The following MRC1 variants were observed in gnomAD, a reference collection of about 807,000 sequenced individuals.
The protein encoded by MRC1 is mannose receptor C-type 1.
MRC1 carries 62 observed loss-of-function variants against 102.9 expected under a neutral mutation model. The observed-to-expected ratio is 0.60, with a 90% CI of 0.49 to 0.74. MRC1 has a LOEUF of 0.74. Ranked by LOEUF, MRC1 falls within the 30% of genes least tolerant of loss-of-function variation. The pLI, the probability that MRC1 is intolerant of heterozygous loss-of-function variation, is 0.00. For synonymous variants in MRC1, 457 were observed against 298.4 expected, an observed-to-expected ratio of 1.53 and a Z score of -5.48; for missense variants, 1,237 against 862.8, an observed-to-expected ratio of 1.43 and a Z score of -5.43.
chr10:17,837,389 C>T (rs1838683748), intron 4 of MRC1, among the ~76,000 whole-genome samples: 1 of 152,106 alleles, frequency 6.6e-6, no homozygotes, highest in South Asian at 2.1e-4. Flanking sequence ...GAAAGATATT[C>T]CCTCCCCACT....
At chr10:17,851,260 ATAAAT>A (rs1386953802) in intron 7 of MRC1, among the ~76,000 whole-genome samples, 2 of 152,192 alleles carry the variant, frequency 1.3e-5, no homozygotes, top group Non-Finnish European at 2.9e-5. Context: ...GAATTAGTAA[ATAAAT>A]TAGAAAACCT....
At chr10:17,810,065 TAGAA>T (rs201259350) in intron 1 of MRC1, among the ~76,000 whole-genome samples, 24,567 of 152,066 alleles carry the variant, frequency 0.16, 2,538 homozygotes, top group Non-Finnish European at 0.23. Flanking sequence ...ACTTGATTGT[TAGAA>T]AGTTCATCCT....
intron 21 of MRC1, among the ~76,000 whole-genome samples, chr10:17,883,363 A>G (rs1833544856): frequency 6.6e-6 from 1 of 152,032 alleles, no homozygotes; most frequent in Non-Finnish European, 1.5e-5. Context: ...TTCTGATCTC[A>G]AGTGATCCTC....
chr10:17,860,502 T>G (rs1301953662), intron 9 of MRC1, among the ~76,000 whole-genome samples: 1 of 152,160 alleles, frequency 6.6e-6, no homozygotes, highest in East Asian at 1.9e-4. Flanking sequence ...GGTCTTGAAC[T>G]CCTGGGCTCA....
chr10:17,834,962 G>A lies in MRC1; in HGVS notation c.802+1123G>A, dbSNP rs1015741353. The stretch of plus-strand genomic sequence containing the variant: ...CTGTCTCTGCTCCTATGACTGCCAT[G>A]TTCAAAAAACCCCTTGTGGCTTCTC... On this transcript the variant is annotated intron_variant, in intron 4 of 29. Transcript: ENST00000569591. Among the ~76,000 whole-genome samples, 1,240 of 152,218 alleles carry A rather than the reference G, an allele frequency of 8.1e-3. 16 individuals carry two copies. The highest frequency in any genetic ancestry group is 0.029 in the African/African-American group (1,185 of 41,530).
chr10:17,880,622 C>T lies in MRC1; in HGVS notation c.2817C>T (p.Pro939=), dbSNP rs1048860144. 9.0e-6 allele frequency: 7 copies of T among 780,700 alleles called. No homozygotes were observed. The South Asian group carries it at 9.4e-5, about 10-fold the overall frequency. 48.4% of individuals were successfully genotyped at this position (780,700 alleles called of 1,614,324 possible). The change falls in exon 20 of 30, where the codon CCC becomes CCT. Residue 939 remains proline (P), a synonymous_variant. Transcript: ENST00000569591. ...INATTVMPTM[P]SVPSGCKEGW... is the part of the protein sequence containing the mutation. ...CTACCACAGTTATGCCTACCATGCC[C>T]TCGGTCCCATCAGGGTGCAAGGAAG...
rs959476127 is a variant in MRC1, at chr10:17,809,408, T to C, written c.-58T>C. ...GAGGCAGTTGGGGGGCCTCGTTGTT[T>C]TGCGTCTTAGTTCCGCCCTCCTGTC... On this transcript the variant is annotated 5_prime_UTR_variant, in exon 1 of 30. Coordinates refer to ENST00000569591, the MANE Select transcript of MRC1 (RefSeq NM_002438.4). 1.0e-4 allele frequency: 91 copies of C among 869,742 alleles called. No individual in the cohort carries two copies. In the Admixed American group the frequency reaches 1.5e-3, roughly 14 times the overall value. The allele number at this position is 869,742 out of a possible 1,614,324, so 53.9% of individuals were successfully genotyped here.
intron 3 of MRC1, among the ~76,000 whole-genome samples, chr10:17,828,863 A>C (rs1027242753): frequency 1.3e-5 from 2 of 151,486 alleles, no homozygotes; most frequent in Non-Finnish European, 2.9e-5. Context: ...CAAATAGTGA[A>C]GCACATTTTA....
chr10:17,848,860 A>G (rs1838868707), intron 6 of MRC1, among the ~76,000 whole-genome samples: 1 of 152,126 alleles, frequency 6.6e-6, no homozygotes, highest in Non-Finnish European at 1.5e-5. Context: ...TGGCTGACTC[A>G]TGTGGCTATG....
rs924892075 is a variant in MRC1 at position 17,834,061 on chromosome 10, C to T, written c.802+222C>T. Among the ~76,000 whole-genome samples the T allele has an allele frequency of 3.0e-4, 45 of 152,242 alleles. 1 individual carries two copies. Among genetic ancestry groups the T allele is most frequent in the Non-Finnish European group, 5.1e-4 (35 of 68,016 alleles). On this transcript the variant is annotated intron_variant, in intron 4 of 29. Transcript: ENST00000569591. ...TATTGGTTTTAAGAGTCTCTAGAGC[C>T]AGTGCTAAGAAGGATTCTGAGGGCT...
chr10:17,826,306 G>A (rs976141033), intron 2 of MRC1, among the ~76,000 whole-genome samples: 46 of 152,148 alleles, frequency 3.0e-4, no homozygotes, highest in African/African-American at 1.1e-3. Flanking sequence ...GGGTTCAAGC[G>A]ATTCTCCTGC....
At chr10:17,832,085 G>A (rs1367190723) in intron 3 of MRC1, among the ~76,000 whole-genome samples, 3 of 151,584 alleles carry the variant, frequency 2.0e-5, no homozygotes, top group East Asian at 1.9e-4. Flanking sequence ...TCCAGTGAGC[G>A]ATAGGACCTC....
In MRC1 at chr10:17,875,172, T is replaced by C. The variant is rs1833412324; in HGVS notation, c.2469T>C (p.Asn823=). 1 of 780,740 alleles carries C rather than the reference T, an allele frequency of 1.3e-6. No individual in the cohort carries two copies. The highest frequency in any genetic ancestry group is 2.4e-6 in the Non-Finnish European group (1 of 417,948). 48.4% of individuals were successfully genotyped at this position (780,740 alleles called of 1,614,324 possible). A position where few individuals can be genotyped will look rare whatever the true frequency, so the allele number is the denominator to read the frequency against. Residue 823 remains asparagine, a synonymous_variant, in exon 17 of 30, where the codon AAT becomes AAC. Coordinates refer to ENST00000569591, the MANE Select transcript of MRC1 (RefSeq NM_002438.4). ...YFSKEKETMD[N]ARAFCKRNFG... is the part of the protein sequence containing the mutation. The stretch of plus-strand genomic sequence containing the variant: ...GCAAAGAGAAGGAAACCATGGACAA[T>C]GCGCGAGCGTTTTGCAAGAGGAATT...
chr10:17,817,174 T>C (rs1838325053), intron 1 of MRC1, among the ~76,000 whole-genome samples: 1 of 145,328 alleles, frequency 6.9e-6, no homozygotes. Context: ...CGCTTGAACC[T>C]GGGAGGCGGA....
intron 8 of MRC1, among the ~76,000 whole-genome samples, chr10:17,853,411 A>G (rs1017589789): frequency 2.0e-5 from 3 of 151,446 alleles, no homozygotes; most frequent in African/African-American, 7.3e-5. Flanking sequence ...ATATATGTAC[A>G]TGGCCATATA....
At chr10:17,825,108 C>T (rs1022691459) in intron 2 of MRC1, among the ~76,000 whole-genome samples, 10 of 152,148 alleles carry the variant, frequency 6.6e-5, no homozygotes, top group African/African-American at 2.4e-4. Context: ...TAAGATGATC[C>T]TGCTCCTCAG....
chr10:17,864,827 C>CAAAAAAAA (rs34931364), intron 11 of MRC1, among the ~76,000 whole-genome samples: 13 of 80,536 alleles, frequency 1.6e-4, no homozygotes, highest in African/African-American at 6.2e-4. Context: ...AAAACTCCAT[C>CAAAAAAAA]AAAAAAAAAA....
chr10:17,899,299 G>A (rs1478314817), intron 24 of MRC1, among the ~76,000 whole-genome samples: 2 of 152,134 alleles, frequency 1.3e-5, no homozygotes. Flanking sequence ...TTTTTACGTC[G>A]CTGTTGACTA....
chr10:17,832,219 A>G (rs1838585080), intron 3 of MRC1, among the ~76,000 whole-genome samples: 1 of 151,418 alleles, frequency 6.6e-6, no homozygotes, highest in African/African-American at 2.5e-5. Context: ...TGCTGAGAAG[A>G]TGTACGTTTA....
Sources: gnomAD v4.1 joint callset for allele counts (sites outside exome capture counted in the v4.1 genomes callset) on GRCh38, gnomAD v4.1.1 for gene constraint, MANE v1.5 for transcripts, NCBI Gene and HGNC (gene_info 2026-07-23, HGNC 2026-07-21) for gene names.